Variants in TGDS observed in about 807,000 individuals in gnomAD.
TGDS encodes UDP-D-glucose 4,6-dehydratase.
Under a neutral mutation model 52.3 loss-of-function variants are expected in TGDS, and 47 were observed. The observed-to-expected ratio is 0.90, with a 90% CI of 0.71 to 1.15. The LOEUF is 1.15. Ranked by LOEUF, TGDS falls within the 50% of genes most tolerant of loss-of-function variation. The pLI, the probability that TGDS is intolerant of heterozygous loss-of-function variation, is 0.00. For missense variants in TGDS, 375 were observed against 418.4 expected (o/e 0.90, Z 0.90); for synonymous variants, 115 against 136.9 (o/e 0.84, Z 1.12).
In TGDS at chr13:94,574,857, T is replaced by C. The variant is rs768055850; in HGVS notation, c.983-5A>G. ...AATTCTCTCTGTACCATTCAACTAA[T>C]AGGAAAAAACAAAAGACAAAAAAAA... is the stretch of plus-strand genomic sequence containing the variant. On this transcript the variant is annotated splice_region_variant and splice_polypyrimidine_tract_variant and intron_variant, in intron 11 of 11. Coordinates refer to ENST00000261296, the MANE Select transcript of TGDS (RefSeq NM_014305.4). The C allele has an allele frequency of 6.7e-6, 10 of 1,483,444 alleles. No homozygotes were observed. In the South Asian group the frequency reaches 9.0e-5, roughly 13 times the overall value. 91.9% of individuals were successfully genotyped at this position (1,483,444 alleles called of 1,614,324 possible).
chr13:94,575,348 G>A (rs1185472196), intron 11 of TGDS, among the ~76,000 whole-genome samples: 1 of 145,422 alleles, frequency 6.9e-6, no homozygotes, highest in Non-Finnish European at 1.5e-5. Flanking sequence ...AGAGTGTAGT[G>A]GTGCAATCGT....
intron 4 of TGDS, among the ~76,000 whole-genome samples, chr13:94,585,873 G>C (rs1311656862): frequency 2.0e-5 from 3 of 151,222 alleles, no homozygotes; most frequent in Non-Finnish European, 4.4e-5. Context: ...AATTAAATAG[G>C]AAGAGGGCAA....
At chr13:94,578,899 G>A in intron 7 of TGDS, 126 bp from the exon 8 acceptor site, 4 of 535,862 alleles carry the variant, frequency 7.5e-6, no homozygotes. Flanking sequence ...ATTTTTATCA[G>A]TTTATTAAAA....
intron 4 of TGDS, among the ~76,000 whole-genome samples, chr13:94,588,176 C>T (rs7991607): frequency 0.7 from 105,902 of 151,652 alleles, 37,118 homozygotes; most frequent in Admixed American, 0.75. Context: ...GAGGCTGAGA[C>T]GGGTGGATCA....
intron 4 of TGDS, among the ~76,000 whole-genome samples, chr13:94,588,017 A>G (rs1458605571): frequency 3.8e-5 from 5 of 133,140 alleles, no homozygotes; most frequent in Admixed American, 7.8e-5. Context: ...AAAAAAAAAA[A>G]AGAGACAGAA....
chr13:94,590,949 T>G lies in TGDS; in HGVS notation c.223-6A>C. 6.4e-7 allele frequency: 1 copy of G among 1,565,128 alleles called. No individual in the cohort carries two copies. Among genetic ancestry groups the G allele is most frequent in the Non-Finnish European group, 8.6e-7 (1 of 1,162,740 alleles). On this transcript the variant is annotated splice_polypyrimidine_tract_variant and splice_region_variant and intron_variant, in intron 3 of 11. Coordinates refer to ENST00000261296, the MANE Select transcript of TGDS (RefSeq NM_014305.4). ...TGAGAATCACATATGTCACCCTATATGAAAAAGCAAACATGAAAGGGCCTA... is the reference window on the plus strand; with the variant it reads ...TGAGAATCACATATGTCACCCTATAGGAAAAAGCAAACATGAAAGGGCCTA...
At chr13:94,583,332 G>C in intron 4 of TGDS, 96 bp from the exon 5 acceptor site, 1 of 1,267,296 alleles carries the variant, frequency 7.9e-7, no homozygotes, top group South Asian at 1.7e-5. Flanking sequence ...ACTAGTCACT[G>C]TTCTTCATTT....
intron 11 of TGDS, among the ~76,000 whole-genome samples, chr13:94,575,526 G>A (rs1400157510): frequency 6.6e-6 from 1 of 151,926 alleles, no homozygotes; most frequent in Admixed American, 6.6e-5. Context: ...CTGACCTCAA[G>A]TGATCCTCCC....
chr13:94,586,211 G>A (rs61965579), intron 4 of TGDS, among the ~76,000 whole-genome samples: 102,545 of 151,132 alleles, frequency 0.68, 35,142 homozygotes, highest in African/African-American at 0.77. Context: ...GGCAAATGCC[G>A]AGGAGGGTCA....
intron 4 of TGDS, among the ~76,000 whole-genome samples, chr13:94,588,714 C>T (rs1889088837): frequency 6.6e-6 from 1 of 152,174 alleles, no homozygotes; most frequent in Non-Finnish European, 1.5e-5. Context: ...GCAAGCATCT[C>T]ATAAATTGCT....
chr13:94,591,350 G>A (rs1889196700), intron 3 of TGDS, among the ~76,000 whole-genome samples: 1 of 152,126 alleles, frequency 6.6e-6, no homozygotes, highest in Non-Finnish European at 1.5e-5. Context: ...CCAAAGTGAG[G>A]TGCAAGTTGA....
chr13:94,583,230 G>GA lies in TGDS; in HGVS notation c.319dup (p.Ser107PhefsTer7). ...GGTAAACTCAAAGGCACGTACGAAT[G>GA]AAAGATCTAAAAGAAAAGAGTGAAA... On this transcript the variant is annotated frameshift_variant, in exon 5 of 12. Coordinates refer to ENST00000261296, the MANE Select transcript of TGDS (RefSeq NM_014305.4). LOFTEE classifies it high-confidence loss of function. 1 of 1,611,346 alleles carries GA rather than the reference G, an allele frequency of 6.2e-7. No homozygotes were observed. Among genetic ancestry groups the GA allele is most frequent in the Non-Finnish European group, 8.5e-7 (1 of 1,179,300 alleles).
chr13:94,583,948 A>C (rs1205705794), intron 4 of TGDS, among the ~76,000 whole-genome samples: 1 of 152,222 alleles, frequency 6.6e-6, no homozygotes. Context: ...GATTACGATG[A>C]TCAATGTCAC....
At chr13:94,584,915 C>G (rs1323551761) in intron 4 of TGDS, among the ~76,000 whole-genome samples, 1 of 151,760 alleles carries the variant, frequency 6.6e-6, no homozygotes, top group Non-Finnish European at 1.5e-5. Context: ...AAATTCATAG[C>G]AATATTAAGA....
chr13:94,582,241 C>G (rs1160369393), intron 5 of TGDS, among the ~76,000 whole-genome samples: 1 of 151,814 alleles, frequency 6.6e-6, no homozygotes, highest in Non-Finnish European at 1.5e-5. Context: ...AAGAATTTTA[C>G]ACTGTCTCCT....
chr13:94,590,800 C>T (rs537557909), intron 4 of TGDS, 53 bp downstream of exon 4: 19 of 1,380,470 alleles, frequency 1.4e-5, no homozygotes, highest in East Asian at 5.1e-5. Context: ...ATTAGGGGGG[C>T]GAGGGCGGGG....
At position 94,581,178 on chromosome 13, in the gene TGDS, T is replaced by C; in HGVS notation, c.468A>G (p.Glu156=). Residue 156 remains glutamate, a synonymous_variant, in exon 6 of 12, where the codon GAA becomes GAG. Transcript: ENST00000261296. ...YGGSLDKEFD[E]SSPKQPTNPY... ...GATTTGTAGGTTGTTTGGGTGAAGA[T>C]TCATCAAATTCCTATTTTTAAAAAT... 6.4e-7 allele frequency: 1 copy of C among 1,569,032 alleles called. No homozygotes were observed. The highest frequency in any genetic ancestry group is 1.2e-5 in the South Asian group (1 of 80,624).
intron 7 of TGDS, 88 bp from the exon 8 acceptor site, chr13:94,578,861 G>A: frequency 1.3e-6 from 1 of 768,946 alleles, no homozygotes; most frequent in Non-Finnish European, 2.1e-6. Context: ...AGATTATTAA[G>A]AAATATGCAT....
intron 7 of TGDS, among the ~76,000 whole-genome samples, 186 bp from the exon 8 acceptor site, chr13:94,578,959 A>G (rs1888700475): frequency 1.3e-5 from 2 of 152,232 alleles, no homozygotes; most frequent in Admixed American, 1.3e-4. Flanking sequence ...TTGCTATTTC[A>G]TAAAGACAGG....
Sources: gnomAD v4.1 joint callset for allele counts (sites outside exome capture counted in the v4.1 genomes callset) on GRCh38, gnomAD v4.1.1 for gene constraint, MANE v1.5 for transcripts, NCBI Gene and HGNC (gene_info 2026-07-23, HGNC 2026-07-21) for gene names.